Variants in DAB1 observed in about 807,000 individuals in gnomAD.
DAB1 encodes the protein DAB adaptor protein 1.
In DAB1, 15 loss-of-function variants were observed where a neutral mutation model predicts 64.6. The observed-to-expected ratio is 0.23, with a 90% CI of 0.16 to 0.36. The LOEUF (loss-of-function observed/expected upper bound fraction) is 0.36. Among genes scored for constraint, DAB1 ranks in the 10% least tolerant of loss-of-function variants. DAB1 has a pLI of 1.00. For synonymous variants in DAB1, 235 were observed against 251.9 expected (o/e 0.93, Z 0.64); for missense variants, 596 against 706.7 (o/e 0.84, Z 1.78).
intron 6 of DAB1, among the ~76,000 whole-genome samples, chr1:57,661,357 C>T (rs749253337): frequency 6.6e-6 from 1 of 152,176 alleles, no homozygotes; most frequent in Admixed American, 6.5e-5. Flanking sequence ...TCACCAGCCT[C>T]GGTGTCCTTA....
intron 7 of DAB1, among the ~76,000 whole-genome samples, chr1:57,546,094 T>C (rs144417251): frequency 2.8e-4 from 35 of 126,152 alleles, no homozygotes; most frequent in African/African-American, 1.1e-3. Context: ...TGTGTGTGTG[T>C]GTGTGCGCGC....
At chr1:58,165,635 C>T (rs1029593983) in intron 4 of DAB1, among the ~76,000 whole-genome samples, 7 of 152,198 alleles carry the variant, frequency 4.6e-5, no homozygotes, top group Admixed American at 3.3e-4. Context: ...GCTAGCAACT[C>T]ATGTTCAGAT....
chr1:58,312,057 A>G (rs1414323182), intron 4 of DAB1, among the ~76,000 whole-genome samples: 1 of 152,156 alleles, frequency 6.6e-6, no homozygotes, highest in Non-Finnish European at 1.5e-5. Context: ...TAAAGGAAGC[A>G]AGAAAAAGCT....
chr1:58,148,485 C>A (rs963283379), intron 5 of DAB1, among the ~76,000 whole-genome samples: 1 of 152,218 alleles, frequency 6.6e-6, no homozygotes, highest in African/African-American at 2.4e-5. Flanking sequence ...TTCTCCCTTG[C>A]AAACTACATT....
intron 1 of DAB1, among the ~76,000 whole-genome samples, chr1:58,541,122 C>T (rs1321577577): frequency 1.3e-5 from 2 of 151,610 alleles, no homozygotes; most frequent in Admixed American, 6.6e-5. Context: ...CGTGAAACCC[C>T]GTCTCTACTA....
At chr1:57,333,163 G>T (rs1439061885) in intron 1 of DAB1, among the ~76,000 whole-genome samples, 1 of 152,106 alleles carries the variant, frequency 6.6e-6, no homozygotes, top group African/African-American at 2.4e-5. Flanking sequence ...TTTATTTATT[G>T]ATTGATTCTG....
rs151268568 is a variant in DAB1, at chr1:57,832,852, G to C, written n.88-6397C>G. On this transcript the variant is annotated intron_variant and non_coding_transcript_variant, in intron 1 of 1. Transcript: ENST00000477280. The stretch of plus-strand genomic sequence containing the variant: ...GATGCCTGGGCATTTTTGTAGGGGT[G>C]GGGGTGGTCCACCCAAAACTGGCCT... Among the ~76,000 whole-genome samples the C allele has an allele frequency of 5.1e-3, 776 of 152,270 alleles. 7 individuals carry two copies. The highest frequency in any genetic ancestry group is 0.018 in the African/African-American group (737 of 41,550).
intron 2 of DAB1, among the ~76,000 whole-genome samples, chr1:57,163,281 A>G (rs906216819): frequency 3.9e-5 from 6 of 152,192 alleles, no homozygotes; most frequent in Non-Finnish European, 7.3e-5. Flanking sequence ...TGACTGGGAA[A>G]GGGTGGGGAA....
chr1:57,382,239 A>T (rs1681443561), intron 1 of DAB1, among the ~76,000 whole-genome samples: 1 of 152,158 alleles, frequency 6.6e-6, no homozygotes, highest in African/African-American at 2.4e-5. Context: ...AGTGGCTGAG[A>T]ATCAGAGAGA....
intron 7 of DAB1, among the ~76,000 whole-genome samples, chr1:57,484,319 G>A (rs537611514): frequency 3.9e-5 from 6 of 152,198 alleles, no homozygotes; most frequent in African/African-American, 1.4e-4. Context: ...TTGTGCCAGG[G>A]GAATCAAGAA....
At chr1:57,933,581 T>G (rs1644983194) in intron 5 of DAB1, among the ~76,000 whole-genome samples, 1 of 152,240 alleles carries the variant, frequency 6.6e-6, no homozygotes, top group African/African-American at 2.4e-5. Flanking sequence ...TTTTTATTAT[T>G]GATGAATATT....
At chr1:57,235,714 G>A (rs197631) in intron 2 of DAB1, among the ~76,000 whole-genome samples, 90,951 of 149,818 alleles carry the variant, frequency 0.61, 28,905 homozygotes, top group East Asian at 0.85. Context: ...CTTTAAAAAA[G>A]AAAAAAAAAC....
intron 6 of DAB1, among the ~76,000 whole-genome samples, chr1:57,768,175 T>TTAA (rs1553127303): frequency 4.4e-4 from 43 of 96,796 alleles, no homozygotes; most frequent in African/African-American, 1.6e-3. Flanking sequence ...AGAATCTGTC[T>TTAA]AAAAAAAAAA....
chr1:58,427,165 G>T (rs980943435), intron 3 of DAB1, among the ~76,000 whole-genome samples: 2 of 152,026 alleles, frequency 1.3e-5, no homozygotes, highest in African/African-American at 4.8e-5. Context: ...TGTGGTTAGG[G>T]TTATGCAAGT....
At chr1:58,379,421 G>C (rs1012461718) in intron 3 of DAB1, among the ~76,000 whole-genome samples, 1 of 152,168 alleles carries the variant, frequency 6.6e-6, no homozygotes, top group Non-Finnish European at 1.5e-5. Context: ...TCTAGCCATG[G>C]ATTACAACCC....
At chr1:57,549,018 C>G (rs1467792445) in intron 7 of DAB1, among the ~76,000 whole-genome samples, 1 of 152,180 alleles carries the variant, frequency 6.6e-6, no homozygotes, top group Non-Finnish European at 1.5e-5. Context: ...AGCCTATACT[C>G]TAGTCCAGTG....
At chr1:58,022,694 G>A (rs1362946191) in intron 5 of DAB1, among the ~76,000 whole-genome samples, 1 of 152,088 alleles carries the variant, frequency 6.6e-6, no homozygotes, top group East Asian at 1.9e-4. Flanking sequence ...CTTATCCTTT[G>A]TATGTTTTCA....
chr1:58,533,756 G>GT (rs1205808408), intron 1 of DAB1, among the ~76,000 whole-genome samples: 1 of 151,984 alleles, frequency 6.6e-6, no homozygotes, highest in Non-Finnish European at 1.5e-5. Context: ...ATATTATTCA[G>GT]TATCAAATAC....
At chr1:57,549,154 T>C (rs1255089138) in intron 7 of DAB1, among the ~76,000 whole-genome samples, 2 of 152,168 alleles carry the variant, frequency 1.3e-5, no homozygotes, top group Admixed American at 6.6e-5. Flanking sequence ...CCTGCACTGA[T>C]TGAGTTTCTA....
Sources: gnomAD v4.1 joint callset for allele counts (sites outside exome capture counted in the v4.1 genomes callset) on GRCh38, gnomAD v4.1.1 for gene constraint, MANE v1.5 for transcripts, NCBI Gene and HGNC (gene_info 2026-07-23, HGNC 2026-07-21) for gene names.